The following ZNF559 variants were observed in gnomAD, a reference collection of about 807,000 sequenced individuals.
ZNF559 encodes the protein zinc finger protein 559.
Under a neutral mutation model 14.2 loss-of-function variants are expected in ZNF559, and 17 were observed. The observed-to-expected ratio is 1.20, with a 90% CI of 0.82 to 1.80. The LOEUF is 1.80. ZNF559 is among the 40% of genes most tolerant of loss of function. The pLI, the probability that ZNF559 is intolerant of heterozygous loss-of-function variation, is 0.00. For missense variants in ZNF559, 740 were observed against 629.7 expected (o/e 1.18, Z -1.88); for synonymous variants, 244 against 212.4 (o/e 1.15, Z -1.29).
rs1568369271 is a variant in ZNF559, at chr19:9,342,587, A to C, written c.1136A>C (p.Lys379Thr). The change falls in exon 7 of 7, where the codon AAG becomes ACG. Residue 379 changes from lysine to threonine, a missense_variant. By Grantham distance (78) the Lys-to-Thr change is moderately conservative. Coordinates refer to ENST00000603380, the MANE Select transcript of ZNF559 (RefSeq NM_032497.3). ...CATATGAGAACTCACACTGGTGAGA[A>C]GCCTTATCAATGTAAGGAATGTGGA... The part of the protein sequence containing the change: ...TVHMRTHTGE[K>T]PYQCKECGKA... 1.9e-6 allele frequency: 3 copies of C among 1,613,782 alleles called. No individual in the cohort carries two copies. The highest frequency in any genetic ancestry group is 1.7e-6 in the Non-Finnish European group (2 of 1,179,934).
chr19:9,332,476 C>A (rs1239417742), intron 2 of ZNF559, among the ~76,000 whole-genome samples: 2 of 152,124 alleles, frequency 1.3e-5, no homozygotes, highest in African/African-American at 4.8e-5. Context: ...ATGGATTTAT[C>A]TTCACCCCTT....
chr19:9,342,210 GTCATA>G lies in ZNF559; in HGVS notation c.762_766del (p.Leu256SerfsTer7). On this transcript the variant is annotated frameshift_variant, in exon 7 of 7. Coordinates refer to ENST00000603380, the MANE Select transcript of ZNF559 (RefSeq NM_032497.3). LOFTEE classifies it low-confidence loss of function (END_TRUNC). ...CATGTGGGAAACCCTTCACTGAGTC[GTCATA>G]TCTTACTCAACATTTAAGAACTCAT... 1 of 1,595,472 alleles carries G rather than the reference GTCATA, an allele frequency of 6.3e-7. No individual in the cohort carries two copies. The highest frequency in any genetic ancestry group is 8.5e-7 in the Non-Finnish European group (1 of 1,174,052).
At chr19:9,327,275 TCTCA>T (rs34025502) in intron 2 of ZNF559, among the ~76,000 whole-genome samples, 71,741 of 151,136 alleles carry the variant, frequency 0.47, 17,154 homozygotes, top group Middle Eastern at 0.52. Context: ...TTTGACGGAG[TCTCA>T]CTCTGCCGCC....
At chr19:9,328,424 G>A (rs1413625576) in intron 2 of ZNF559, among the ~76,000 whole-genome samples, 1 of 146,106 alleles carries the variant, frequency 6.8e-6, no homozygotes, top group African/African-American at 2.6e-5. Flanking sequence ...CGCAATCTCG[G>A]CTCACTGCAA....
Position 9,342,701 on chromosome 19 carries a change from C to G in ZNF559, c.1250C>G (p.Ala417Gly), listed in dbSNP as rs764672934. 12 of 1,614,050 alleles carry G rather than the reference C, an allele frequency of 7.4e-6. No individual in the cohort carries two copies. The highest frequency in any genetic ancestry group is 1.0e-5 in the Non-Finnish European group (12 of 1,180,038). ...KPYDCQQCGK[A>G]FIRSSFLIRH... Reference sequence around the variant, plus strand: ...TATGACTGTCAACAGTGTGGGAAAGCCTTCATTCGATCCTCATTTCTTATT... The same window carrying G: ...TATGACTGTCAACAGTGTGGGAAAGGCTTCATTCGATCCTCATTTCTTATT... Residue 417 changes from alanine (A) to glycine (G), a missense_variant, in exon 7 of 7, where the codon GCC becomes GGC. Ala to Gly is a moderately conservative substitution (Grantham distance 60, BLOSUM62 0). Transcript: ENST00000603380.
intron 2 of ZNF559, among the ~76,000 whole-genome samples, chr19:9,325,435 C>G (rs545154875): frequency 6.6e-6 from 1 of 150,550 alleles, no homozygotes; most frequent in East Asian, 1.9e-4. Flanking sequence ...GAGTGAGACC[C>G]TGTTTCAAAA....
Position 9,342,933 on chromosome 19 carries a change from A to C in ZNF559, c.1482A>C (p.Glu494Asp). The change falls in exon 7 of 7, where the codon GAA becomes GAC. Residue 494 changes from glutamate (E) to aspartate (D), a missense_variant. Transcript: ENST00000603380. ...MRTHTGERPF[E>D]CQECGKAFTR... ...CTCACACTGGTGAACGGCCCTTTGAATGTCAGGAATGTGGGAAAGCCTTTA... is the reference window on the plus strand; with the variant it reads ...CTCACACTGGTGAACGGCCCTTTGACTGTCAGGAATGTGGGAAAGCCTTTA... 6.2e-7 allele frequency: 1 copy of C among 1,614,188 alleles called. No individual in the cohort carries two copies. Among genetic ancestry groups the C allele is most frequent in the South Asian group, 1.1e-5 (1 of 91,084 alleles).
chr19:9,343,396 T>G lies in ZNF559; in HGVS notation c.*328T>G. On this transcript the variant is annotated 3_prime_UTR_variant, in exon 7 of 7. Transcript: ENST00000603380. ...AGAAATGCTATGAATGTGAGGAAGGTGGAAAAGCTTTCATTATTTTCCTCG... is the reference window on the plus strand; with the variant it reads ...AGAAATGCTATGAATGTGAGGAAGGGGGAAAAGCTTTCATTATTTTCCTCG... The G allele has an allele frequency of 1.8e-6, 2 of 1,103,716 alleles. No individual in the cohort carries two copies. Among genetic ancestry groups the G allele is most frequent in the Non-Finnish European group, 2.2e-6 (2 of 903,742 alleles). 68.4% of individuals were successfully genotyped at this position (1,103,716 alleles called of 1,614,324 possible).
intron 3 of ZNF559, 77 bp from the exon 4 acceptor site, chr19:9,338,417 A>G (rs1035280003): frequency 1.9e-6 from 2 of 1,048,426 alleles, no homozygotes; most frequent in African/African-American, 1.6e-5. Context: ...TAGCATTAGT[A>G]TGAGGTGGCT....
At chr19:9,327,740 A>G (rs1195197308) in intron 2 of ZNF559, among the ~76,000 whole-genome samples, 5 of 116,322 alleles carry the variant, frequency 4.3e-5, no homozygotes, top group Non-Finnish European at 1.8e-5. Flanking sequence ...GAATGTCACA[A>G]CTTATTCTAA....
intron 5 of ZNF559, 108 bp downstream of exon 5, chr19:9,339,427 GA>G: frequency 7.7e-7 from 1 of 1,295,084 alleles, no homozygotes; most frequent in Non-Finnish European, 1.1e-6. Context: ...GTAAACAGGC[GA>G]AACATTGTTT....
rs2067695268 is a variant in ZNF559 at position 9,344,807 on chromosome 19, T to TG, written c.*1740dup. 1 of 152,256 alleles carries TG rather than the reference T, an allele frequency of 6.6e-6. No individual in the cohort carries two copies. The highest frequency in any genetic ancestry group is 1.5e-5 in the Non-Finnish European group (1 of 68,050). 9.4% of individuals were successfully genotyped at this position (152,256 alleles called of 1,614,324 possible). A position where few individuals can be genotyped will look rare whatever the true frequency, so the allele number is the denominator to read the frequency against. ...TTTAATGATCTTTTTTCACTGTTGC[T>TG]GAGAATCTTTGGTTTGAATTATTGA... On this transcript the variant is annotated 3_prime_UTR_variant, in exon 7 of 7. Coordinates refer to ENST00000603380, the MANE Select transcript of ZNF559 (RefSeq NM_032497.3).
At position 9,335,724 on chromosome 19, in the gene ZNF559, G is replaced by A. The variant is rs139228035; in HGVS notation, c.-119-2072G>A. On this transcript the variant is annotated intron_variant, in intron 2 of 6. Transcript: ENST00000603380. ...TAATTTTTGTGGTTTTTGTAGAGAC[G>A]GGGTTTTACCATGTTGCCCAGGCTG... is the stretch of plus-strand genomic sequence containing the variant. 2.7e-3 allele frequency among the ~76,000 whole-genome samples: 417 copies of A among 152,176 alleles called. 2 individuals are homozygous for A. Among genetic ancestry groups the A allele is most frequent in the African/African-American group, 9.7e-3 (403 of 41,518 alleles).
intron 2 of ZNF559, chr19:9,332,920 T>G (rs952377891): frequency 6.6e-6 from 1 of 152,294 alleles, no homozygotes; most frequent in Non-Finnish European, 1.5e-5. Context: ...GATCAACCCT[T>G]GGAAGTTCTA....
chr19:9,345,421 A>G lies in ZNF559; in HGVS notation c.*2353A>G, dbSNP rs529788392. 1.3e-5 allele frequency: 2 copies of G among 152,350 alleles called. No homozygotes were observed. Among genetic ancestry groups the G allele is most frequent in the South Asian group, 2.1e-4 (1 of 4,834 alleles). The allele number at this position is 152,350 out of a possible 1,614,324, so 9.4% of individuals were successfully genotyped here. The stretch of plus-strand genomic sequence containing the variant: ...GCCATTTGACATTTCCATGAGCAGT[A>G]TATAAGAGTTGCAATTCTTCTGCAT... On this transcript the variant is annotated 3_prime_UTR_variant, in exon 7 of 7. Coordinates refer to ENST00000603380, the MANE Select transcript of ZNF559 (RefSeq NM_032497.3).
At chr19:9,324,596 C>T in intron 1 of ZNF559, 99 bp from the exon 2 acceptor site, 2 of 1,172,782 alleles carry the variant, frequency 1.7e-6, no homozygotes, top group Non-Finnish European at 2.4e-6. Flanking sequence ...GAGTTCAAGA[C>T]CAGGCAGGGC....
intron 2 of ZNF559, among the ~76,000 whole-genome samples, chr19:9,336,543 C>G (rs1288146954): frequency 6.6e-6 from 1 of 151,130 alleles, no homozygotes; most frequent in African/African-American, 2.4e-5. Context: ...TGCAGTGAGC[C>G]AAGATCGCGC....
chr19:9,343,600 G>A lies in ZNF559; in HGVS notation c.*532G>A, dbSNP rs2067668494. 2.0e-6 allele frequency: 2 copies of A among 991,132 alleles called. No homozygotes were observed. Among genetic ancestry groups the A allele is most frequent in the African/African-American group, 1.7e-5 (1 of 57,234 alleles). The allele number at this position is 991,132 out of a possible 1,614,324, so 61.4% of individuals were successfully genotyped here. ...CTTCTTTGTTTTTAGCTTCCACTTT[G>A]GGAACATGTCAAAGCACACATTGAG... On this transcript the variant is annotated 3_prime_UTR_variant, in exon 7 of 7. Coordinates refer to ENST00000603380, the MANE Select transcript of ZNF559 (RefSeq NM_032497.3).
rs531973512 is a variant in ZNF559, at chr19:9,341,968, C to T, written c.517C>T (p.Leu173Phe). ...VCKKTSQNLHLVCKKTHTQEK... is the reference protein window; with the variant it reads ...VCKKTSQNLHFVCKKTHTQEK... ...CAAGAAAACTAGCCAAAATCTACAT[C>T]TTGTTTGCAAGAAAACTCACACTCA... Residue 173 changes from leucine to phenylalanine, a missense_variant, in exon 7 of 7, where the codon CTT becomes TTT. Physicochemically the swap from Leu to Phe is conservative, Grantham distance 22. Coordinates refer to ENST00000603380, the MANE Select transcript of ZNF559 (RefSeq NM_032497.3). 1.2e-6 allele frequency: 2 copies of T among 1,613,776 alleles called. No homozygotes were observed. Among genetic ancestry groups the T allele is most frequent in the Admixed American group, 1.7e-5 (1 of 59,952 alleles).
Sources: allele counts gnomAD v4.1 joint callset (sites outside exome capture counted in the v4.1 genomes callset), GRCh38; gene constraint gnomAD v4.1.1; transcripts MANE v1.5; gene names NCBI Gene and HGNC (gene_info 2026-07-23, HGNC 2026-07-21).